FRY: variants seen among roughly 807,000 people sequenced by gnomAD.
The protein encoded by FRY is FRY microtubule binding protein, also known as protein furry homolog.
A neutral mutation model predicts 348.4 loss-of-function variants in FRY; 128 were observed. The observed-to-expected ratio is 0.37, with a 90% CI of 0.32 to 0.43. FRY has a LOEUF of 0.43. FRY is among the 20% of genes least tolerant of loss of function. The pLI is 1.00. For synonymous variants in FRY, 1,370 were observed against 1,374.7 expected (o/e 1.00, Z 0.08); for missense variants, 2,736 against 3,695.2 (o/e 0.74, Z 6.73).
Position 32,247,473 on chromosome 13 carries a change from A to G in FRY, c.6979A>G (p.Thr2327Ala), listed in dbSNP as rs180883088. 161 of 1,613,176 alleles carry G rather than the reference A, an allele frequency of 1.0e-4. 1 individual carries two copies. In the East Asian group the frequency reaches 3.5e-3, roughly 35 times the overall value. Residue 2327 changes from threonine (T) to alanine (A), a missense_variant, in exon 48 of 61, where the codon ACC becomes GCC. Thr to Ala is a moderately conservative substitution (Grantham distance 58). Transcript: ENST00000542859. The stretch of plus-strand genomic sequence containing the variant: ...TGCTTCCAAGGAATTACCTGGGAAA[A>G]CCCTGGACTTCCACTTCGATATTTC... ...TSASKELPGKTLDFHFDISET... is the reference protein window; with the variant it reads ...TSASKELPGKALDFHFDISET...
intron 1 of FRY, among the ~76,000 whole-genome samples, chr13:32,041,785 G>T (rs80093222): frequency 0.018 from 2,795 of 152,210 alleles, 56 homozygotes; most frequent in African/African-American, 0.049. Flanking sequence ...TTTGTGTCTT[G>T]CCTGCTGATT....
intron 60 of FRY, 43 bp downstream of exon 60, chr13:32,294,613 C>A: frequency 1.4e-6 from 2 of 1,407,026 alleles, no homozygotes; most frequent in Non-Finnish European, 2.0e-6. Flanking sequence ...AGGAAATGCA[C>A]ACCTGGTTGT....
chr13:32,273,062 T>C (rs1315442007), intron 55 of FRY, among the ~76,000 whole-genome samples: 1 of 151,896 alleles, frequency 6.6e-6, no homozygotes, highest in African/African-American at 2.4e-5. Flanking sequence ...TCTTCTTAAT[T>C]GTGTTTTTTG....
chr13:32,062,101 GA>G lies in FRY; in HGVS notation c.71-16724del, dbSNP rs567155908. ...ACATATGATAGCCTTCTGTTTCTAG[GA>G]AAAAAAAATCCTGTTAGTCATTATT... On this transcript the variant is annotated intron_variant, in intron 1 of 60. Coordinates refer to ENST00000542859, the MANE Select transcript of FRY (RefSeq NM_023037.3). Among the ~76,000 whole-genome samples, 6 of 150,324 alleles carry G rather than the reference GA, an allele frequency of 4.0e-5. No individual in the cohort carries two copies. In the South Asian group the frequency reaches 1.1e-3, roughly 26 times the overall value.
intron 29 of FRY, among the ~76,000 whole-genome samples, chr13:32,201,639 G>T (rs534663720): frequency 3.3e-5 from 5 of 151,766 alleles, no homozygotes; most frequent in Admixed American, 2.0e-4. Flanking sequence ...ATTAAAGTCC[G>T]TTTGCATCAG....
At chr13:32,123,227 AG>A (rs1878790121) in intron 4 of FRY, among the ~76,000 whole-genome samples, 1 of 152,234 alleles carries the variant, frequency 6.6e-6, no homozygotes, top group Non-Finnish European at 1.5e-5. Context: ...GAGCCCACAT[AG>A]CCAAAGCATG....
intron 48 of FRY, among the ~76,000 whole-genome samples, chr13:32,249,096 G>T (rs1267183006): frequency 1.3e-5 from 2 of 152,194 alleles, no homozygotes; most frequent in African/African-American, 2.4e-5. Flanking sequence ...TAATTGAAAA[G>T]ATATAAATAA....
intron 2 of FRY, among the ~76,000 whole-genome samples, chr13:32,100,925 C>T (rs1004101605): frequency 6.6e-6 from 1 of 152,180 alleles, no homozygotes; most frequent in Non-Finnish European, 1.5e-5. Context: ...GATTTAATCT[C>T]CTCCCAAAGG....
At chr13:32,152,383 G>A (rs1880851288) in intron 14 of FRY, among the ~76,000 whole-genome samples, 1 of 152,168 alleles carries the variant, frequency 6.6e-6, no homozygotes, top group African/African-American at 2.4e-5. Flanking sequence ...CTATAAAGTT[G>A]TATAGTGATC....
intron 2 of FRY, among the ~76,000 whole-genome samples, chr13:32,080,718 CCTGGTGGAGGGAGGGAAGCTA>C (rs1875425990): frequency 6.6e-6 from 1 of 152,178 alleles, no homozygotes. Flanking sequence ...AGACTCCTCC[CCTGGTGGAGGGAGGGAAGCTA>C]CCTCCATTTC....
chr13:32,173,518 G>T lies in FRY; in HGVS notation c.2303G>T (p.Arg768Leu), dbSNP rs769895847. The T allele has an allele frequency of 6.2e-7, 1 of 1,613,714 alleles. No homozygotes were observed. The highest frequency in any genetic ancestry group is 8.5e-7 in the Non-Finnish European group (1 of 1,179,920). The change falls in exon 19 of 61, where the codon CGA becomes CTA. Residue 768 changes from arginine to leucine, a missense_variant. By Grantham distance (102) the Arg-to-Leu change is moderately radical (BLOSUM62 -2). Around this residue, in one of 9 missense-constraint regions of FRY, gnomAD observed 449 missense variants for 576.9 expected, o/e 0.78. Transcript: ENST00000542859. ...TCCGTTTTAATACTCAAGGAAATTCGAGCGTTGTTTATTGCCCTGGGGCAG... is the reference window on the plus strand; with the variant it reads ...TCCGTTTTAATACTCAAGGAAATTCTAGCGTTGTTTATTGCCCTGGGGCAG... ...KLSVLILKEI[R>L]ALFIALGQPE...
intron 7 of FRY, among the ~76,000 whole-genome samples, chr13:32,126,421 T>C (rs1879021974): frequency 6.6e-6 from 1 of 152,230 alleles, no homozygotes; most frequent in Non-Finnish European, 1.5e-5. Context: ...ATTCTAAGCT[T>C]GTAGGAATTT....
At chr13:32,236,047 A>G (rs776886331) in intron 42 of FRY, 31 bp from the exon 43 acceptor site, 2 of 1,411,606 alleles carry the variant, frequency 1.4e-6, no homozygotes, top group African/African-American at 1.4e-5. Context: ...GTTACAAGCA[A>G]TACAAAATGC....
At chr13:32,048,239 A>G (rs1873134636) in intron 1 of FRY, among the ~76,000 whole-genome samples, 1 of 152,122 alleles carries the variant, frequency 6.6e-6, no homozygotes, top group East Asian at 1.9e-4. Context: ...CCCTCAGTGG[A>G]TGAGCACCCA....
At chr13:32,077,392 G>C (rs768468148) in intron 1 of FRY, among the ~76,000 whole-genome samples, 1 of 152,130 alleles carries the variant, frequency 6.6e-6, no homozygotes, top group Non-Finnish European at 1.5e-5. Flanking sequence ...GATAGGATGC[G>C]GCCAGGGGGA....
intron 1 of FRY, among the ~76,000 whole-genome samples, chr13:32,036,280 A>AG (rs1872508744): frequency 6.6e-6 from 1 of 152,190 alleles, no homozygotes; most frequent in South Asian, 2.1e-4. Context: ...AAATAGAGGA[A>AG]GTACCCAGCA....
chr13:32,230,644 A>G, intron 40 of FRY, among the ~76,000 whole-genome samples: 1 of 152,270 alleles, frequency 6.6e-6, no homozygotes, highest in African/African-American at 2.4e-5. Context: ...TTTATAATAG[A>G]ACAATGTATA....
chr13:32,177,169 C>T (rs974077216), intron 20 of FRY, among the ~76,000 whole-genome samples: 22 of 152,152 alleles, frequency 1.4e-4, no homozygotes, highest in African/African-American at 5.1e-4. Context: ...TTGATGTCCC[C>T]TGAACTTTGG....
chr13:32,065,083 A>G (rs1437550919), intron 1 of FRY, among the ~76,000 whole-genome samples: 1 of 152,196 alleles, frequency 6.6e-6, no homozygotes. Context: ...TATTTTTCAA[A>G]TTGAGGTTCT....
Sources: allele counts gnomAD v4.1 joint callset (sites outside exome capture counted in the v4.1 genomes callset), GRCh38; gene constraint gnomAD v4.1.1; regional missense constraint gnomAD v4.1.1; transcripts MANE v1.5; gene names NCBI Gene and HGNC (gene_info 2026-07-23, HGNC 2026-07-21).